PREX1: variants seen among roughly 807,000 people sequenced by gnomAD.
The protein encoded by PREX1 is phosphatidylinositol 3,4,5-trisphosphate-dependent Rac exchanger 1 protein.
Under a neutral mutation model 198.3 loss-of-function variants are expected in PREX1, and 41 were observed. The observed-to-expected ratio is 0.21, with a 90% CI of 0.16 to 0.27. The LOEUF (loss-of-function observed/expected upper bound fraction) is 0.27. Ranked by LOEUF, PREX1 falls within the 10% of genes least tolerant of loss-of-function variation. The pLI, the probability that PREX1 is intolerant of heterozygous loss-of-function variation, is 1.00. For missense variants in PREX1, 1,620 were observed against 2,200.7 expected (o/e 0.74, Z 5.28); for synonymous variants, 843 against 887.2 (o/e 0.95, Z 0.89).
chr20:48,692,642 G>C, intron 8 of PREX1, 30 bp downstream of exon 8: 21 of 1,562,328 alleles, frequency 1.3e-5, no homozygotes, highest in East Asian at 2.2e-5. Context: ...GGCTCAGGCA[G>C]GGCTCAGGCA....
rs138503207 is a variant in PREX1 at position 48,704,515 on chromosome 20, C to CTTCCTTCCTTCCT, written c.784-3642_784-3630dup. Among the ~76,000 whole-genome samples the CTTCCTTCCTTCCT allele has an allele frequency of 3.1e-3, 467 of 151,778 alleles. 8 individuals carry two copies. Among genetic ancestry groups the CTTCCTTCCTTCCT allele is most frequent in the Middle Eastern group, 0.014 (4 of 292 alleles). On this transcript the variant is annotated intron_variant, in intron 6 of 39. Coordinates refer to ENST00000371941, the MANE Select transcript of PREX1 (RefSeq NM_020820.4). ...GAGCCAGAGCCAGAAAATGGAGTGC[C>CTTCCTTCCTTCCT]TTCCTTCCTTCCTTTCCTTCCTTCC...
intron 1 of PREX1, among the ~76,000 whole-genome samples, chr20:48,825,982 C>T (rs916010290): frequency 6.6e-6 from 1 of 151,436 alleles, no homozygotes; most frequent in Non-Finnish European, 1.5e-5. Flanking sequence ...TCTGCACAAC[C>T]CCCTCTCCCA....
At chr20:48,881,223 T>C in the PREX1 span, among the ~76,000 whole-genome samples, 1 of 152,176 alleles carries the variant, frequency 6.6e-6, no homozygotes, top group African/African-American at 2.4e-5. Flanking sequence ...GACTGGGTGA[T>C]GGAGACTGCT....
the PREX1 span, among the ~76,000 whole-genome samples, chr20:48,838,256 A>G: frequency 2.0e-5 from 3 of 152,198 alleles, no homozygotes; most frequent in Non-Finnish European, 4.4e-5. Flanking sequence ...TAGGTTTTAT[A>G]TTGATGTCTT....
chr20:48,784,166 T>C (rs1016154292), intron 1 of PREX1, among the ~76,000 whole-genome samples: 9 of 152,206 alleles, frequency 5.9e-5, no homozygotes, highest in Admixed American at 5.2e-4. Context: ...GGAACTTTTC[T>C]GACCATCAGA....
At chr20:48,661,529 G>A (rs1484903935) in intron 15 of PREX1, among the ~76,000 whole-genome samples, 5 of 109,866 alleles carry the variant, frequency 4.6e-5, no homozygotes, top group Non-Finnish European at 8.9e-5. Context: ...TATATATAAT[G>A]TGTGTGTGTG....
chr20:48,855,740 C>T, the PREX1 span, among the ~76,000 whole-genome samples: 1 of 152,210 alleles, frequency 6.6e-6, no homozygotes, highest in African/African-American at 2.4e-5. Context: ...CTCTACTAAA[C>T]CTACAAAATT....
intron 39 of PREX1, 105 bp from the exon 40 acceptor site, chr20:48,626,032 A>C: frequency 1.6e-6 from 2 of 1,214,864 alleles, no homozygotes; most frequent in Non-Finnish European, 1.1e-6. Flanking sequence ...CAGAAACCCA[A>C]ACTCACAGGT....
chr20:48,801,165 T>C (rs2090385053), intron 1 of PREX1, among the ~76,000 whole-genome samples: 1 of 152,220 alleles, frequency 6.6e-6, no homozygotes, highest in South Asian at 2.1e-4. Flanking sequence ...AAGAACCAGC[T>C]ACTAGTAGCA....
the PREX1 span, among the ~76,000 whole-genome samples, chr20:48,853,538 T>C: frequency 2.6e-5 from 4 of 152,296 alleles, no homozygotes; most frequent in East Asian, 7.7e-4. Context: ...TACCTCCACC[T>C]GGTCCTGCCC....
In PREX1 at chr20:48,653,479, G is replaced by A; in HGVS notation, c.2228C>T (p.Ala743Val). ...AVGRGSEAMA[A>V]GLCAGQCILK... ...AATGCACTGACCAGCACAGAGCCCTGCAGCCATGGCCTCAGAGCCTAAGGG... is the reference window on the plus strand; with the variant it reads ...AATGCACTGACCAGCACAGAGCCCTACAGCCATGGCCTCAGAGCCTAAGGG... The change falls in exon 20 of 40, where the codon GCA becomes GTA. Residue 743 changes from alanine (A) to valine (V), a missense_variant. This residue lies in a region of PREX1 where 514 missense variants were observed against 611.6 expected (regional missense o/e 0.84). Coordinates refer to ENST00000371941, the MANE Select transcript of PREX1 (RefSeq NM_020820.4). The A allele has an allele frequency of 6.2e-7, 1 of 1,612,210 alleles. No individual in the cohort carries two copies. Among genetic ancestry groups the A allele is most frequent in the Non-Finnish European group, 8.5e-7 (1 of 1,179,108 alleles).
Position 48,816,316 on chromosome 20 carries a change from G to A in PREX1, c.219+11326C>T, listed in dbSNP as rs192675917. Among the ~76,000 whole-genome samples, 10 of 152,322 alleles carry A rather than the reference G, an allele frequency of 6.6e-5. No individual in the cohort carries two copies. In the East Asian group the frequency reaches 1.5e-3, roughly 23 times the overall value. On this transcript the variant is annotated intron_variant, in intron 1 of 39. Transcript: ENST00000371941. ...CACCACTGACCATTGTTGGTGGGCA[G>A]AACCCTGAGATGGCCCCAGGATCAC...
intron 1 of PREX1, among the ~76,000 whole-genome samples, chr20:48,776,519 C>CGGGGCTGGGGACA (rs1391327320): frequency 1.3e-5 from 2 of 152,206 alleles, no homozygotes; most frequent in Non-Finnish European, 2.9e-5. Context: ...GTCCACGGGG[C>CGGGGCTGGGGACA]GGGGCTGGGG....
chr20:48,865,314 G>A, the PREX1 span, among the ~76,000 whole-genome samples: 11 of 152,244 alleles, frequency 7.2e-5, no homozygotes, highest in South Asian at 2.1e-4. Context: ...GCAATGCTAC[G>A]CTTGACAGAA....
the PREX1 span, among the ~76,000 whole-genome samples, chr20:48,865,604 A>G: frequency 4.0e-3 from 603 of 152,334 alleles, 3 homozygotes; most frequent in African/African-American, 0.011. Flanking sequence ...TTCCTCCACA[A>G]GAGCTTTTAG....
the PREX1 span, among the ~76,000 whole-genome samples, chr20:48,838,882 C>T: frequency 1.4e-4 from 20 of 148,086 alleles, no homozygotes; most frequent in African/African-American, 4.3e-4. Context: ...AAAAATTAGC[C>T]GGGTGTGGTG....
At chr20:48,837,263 C>T in the PREX1 span, among the ~76,000 whole-genome samples, 7 of 152,212 alleles carry the variant, frequency 4.6e-5, no homozygotes, top group African/African-American at 4.8e-5. Context: ...AGCAGTGTGG[C>T]GATTCCTCAA....
chr20:48,625,161 T>TA lies in PREX1; in HGVS notation c.*723dup, dbSNP rs1184818122. On this transcript the variant is annotated 3_prime_UTR_variant, in exon 40 of 40. Coordinates refer to ENST00000371941, the MANE Select transcript of PREX1 (RefSeq NM_020820.4). ...TTTGAAATGTAAAATGTCAAATATA[T>TA]AATCACACAACTTTAGAAAAAACAA... The TA allele has an allele frequency of 6.6e-6, 1 of 152,556 alleles. No individual in the cohort carries two copies. Among genetic ancestry groups the TA allele is most frequent in the African/African-American group, 2.4e-5 (1 of 41,404 alleles). The allele number at this position is 152,556 out of a possible 1,614,324, so 9.5% of individuals were successfully genotyped here.
At chr20:48,682,855 G>A (rs934185954) in intron 10 of PREX1, among the ~76,000 whole-genome samples, 1 of 152,218 alleles carries the variant, frequency 6.6e-6, no homozygotes, top group African/African-American at 2.4e-5. Flanking sequence ...GCCAGAGCCT[G>A]AGCACCCTGC....
Sources: gnomAD v4.1 joint callset for allele counts (sites outside exome capture counted in the v4.1 genomes callset) on GRCh38, gnomAD v4.1.1 for gene constraint, gnomAD v4.1.1 regional missense constraint, MANE v1.5 for transcripts, NCBI Gene and HGNC (gene_info 2026-07-23, HGNC 2026-07-21) for gene names.